ARHGAP22: variants seen among roughly 807,000 people sequenced by gnomAD.
ARHGAP22 encodes Rho GTPase activating protein 22.
In ARHGAP22, 48 loss-of-function variants were observed where a neutral mutation model predicts 59.1. That is an observed-to-expected ratio of 0.81 (90% CI 0.64 to 1.03). ARHGAP22 has a LOEUF of 1.03. Ranked by LOEUF, ARHGAP22 falls within the 50% of genes least tolerant of loss-of-function variation. ARHGAP22 has a pLI of 0.00. For synonymous variants in ARHGAP22, 445 were observed against 416.4 expected (o/e 1.07, Z -0.84); for missense variants, 1,015 against 958.7 (o/e 1.06, Z -0.78).
downstream of ARHGAP22, chr10:48,445,900 C>A (rs1321196741): frequency 6.2e-6 from 1 of 162,070 alleles, no homozygotes; most frequent in Non-Finnish European, 1.4e-5. Flanking sequence ...GGCTTCACGT[C>A]CCACTTCACA....
intron 1 of ARHGAP22, among the ~76,000 whole-genome samples, chr10:48,621,291 G>A (rs527749380): frequency 2.1e-4 from 32 of 152,118 alleles, no homozygotes; most frequent in African/African-American, 7.5e-4. Flanking sequence ...ATTTTGGTTG[G>A]TTTAAACTTG....
chr10:48,443,140 G>A (rs925701977), downstream of ARHGAP22, among the ~76,000 whole-genome samples: 7 of 152,084 alleles, frequency 4.6e-5, no homozygotes, highest in Admixed American at 1.3e-4. Flanking sequence ...CTCAAAGACC[G>A]CTGTGCATTC....
intron 2 of ARHGAP22, among the ~76,000 whole-genome samples, chr10:48,581,336 A>G (rs555487046): frequency 6.6e-6 from 1 of 152,316 alleles, no homozygotes; most frequent in South Asian, 2.1e-4. Flanking sequence ...TTTGCATGGA[A>G]GCTGTGTCTC....
chr10:48,471,606 T>C (rs2048232056), intron 4 of ARHGAP22, among the ~76,000 whole-genome samples: 1 of 152,184 alleles, frequency 6.6e-6, no homozygotes, highest in African/African-American at 2.4e-5. Flanking sequence ...CCCTTCTTAC[T>C]TCATAACAAC....
chr10:48,620,470 T>C (rs1041820896), intron 1 of ARHGAP22, among the ~76,000 whole-genome samples: 1 of 152,222 alleles, frequency 6.6e-6, no homozygotes. Context: ...TTTATCTTCA[T>C]GGATTCCCAC....
At chr10:48,650,332 A>C (rs141698194) in intron 1 of ARHGAP22, among the ~76,000 whole-genome samples, 1 of 152,290 alleles carries the variant, frequency 6.6e-6, no homozygotes, top group Non-Finnish European at 1.5e-5. Context: ...GAGGCTTCAT[A>C]AAAGGATACA....
chr10:48,616,207 T>C (rs147839079), intron 1 of ARHGAP22, among the ~76,000 whole-genome samples: 1,890 of 152,282 alleles, frequency 0.012, 38 homozygotes, highest in African/African-American at 0.043. Flanking sequence ...CAATAAAGTC[T>C]TTTTAAATTA....
chr10:48,532,276 C>T (rs887790925), intron 3 of ARHGAP22, among the ~76,000 whole-genome samples: 2 of 152,060 alleles, frequency 1.3e-5, no homozygotes, highest in African/African-American at 4.8e-5. Context: ...AACAACCACT[C>T]ACTGACTTCT....
At chr10:48,549,420 G>A (rs952905774) in intron 3 of ARHGAP22, among the ~76,000 whole-genome samples, 6 of 152,118 alleles carry the variant, frequency 3.9e-5, no homozygotes, top group African/African-American at 7.2e-5. Context: ...TGTCTGAGGC[G>A]GGACCCTGGT....
intron 2 of ARHGAP22, among the ~76,000 whole-genome samples, chr10:48,572,000 C>A (rs1207510008): frequency 6.6e-6 from 1 of 152,140 alleles, no homozygotes; most frequent in African/African-American, 2.4e-5. Flanking sequence ...CACTCTTGGC[C>A]AAGGGGAACC....
rs796074382 is a variant in ARHGAP22, at chr10:48,639,846, TA to T, written c.52+12387del. Among the ~76,000 whole-genome samples the T allele has an allele frequency of 5.3e-4, 78 of 148,414 alleles. 1 individual carries two copies. Among genetic ancestry groups the T allele is most frequent in the African/African-American group, 1.7e-3 (70 of 40,626 alleles). On this transcript the variant is annotated intron_variant, in intron 1 of 9. Coordinates refer to the ARHGAP22 transcript ENST00000435790. ...ACAAAGGAAAAGTGTGACTCATATG[TA>T]AAAAAAAAAGTCAATTGAAACTGTC...
intron 3 of ARHGAP22, among the ~76,000 whole-genome samples, chr10:48,522,164 C>T (rs2053863654): frequency 6.6e-6 from 1 of 152,240 alleles, no homozygotes; most frequent in African/African-American, 2.4e-5. Context: ...TTCTCTCCTC[C>T]CTGCCAGACA....
chr10:48,614,829 G>A (rs116075314), intron 1 of ARHGAP22, among the ~76,000 whole-genome samples: 254 of 152,312 alleles, frequency 1.7e-3, no homozygotes, highest in African/African-American at 5.9e-3. Context: ...GACTTCATCT[G>A]CAAATAGCTA....
At chr10:48,603,023 C>A (rs929773179) in intron 1 of ARHGAP22, among the ~76,000 whole-genome samples, 1 of 152,146 alleles carries the variant, frequency 6.6e-6, no homozygotes, top group African/African-American at 2.4e-5. Context: ...GGGGAAAGAA[C>A]GATGTGCAAA....
At chr10:48,519,670 C>T (rs1323854935) in intron 3 of ARHGAP22, among the ~76,000 whole-genome samples, 1 of 152,246 alleles carries the variant, frequency 6.6e-6, no homozygotes. Flanking sequence ...ATGAACTGGG[C>T]CCGAGGGCTG....
At chr10:48,459,950 A>G in intron 4 of ARHGAP22, 59 bp from the exon 5 acceptor site, 1 of 1,513,634 alleles carries the variant, frequency 6.6e-7, no homozygotes. Context: ...TTGGGTGCTC[A>G]GGACAATGGA....
At chr10:48,604,296 G>T (rs534638615) in intron 1 of ARHGAP22, among the ~76,000 whole-genome samples, 162 of 152,326 alleles carry the variant, frequency 1.1e-3, no homozygotes, top group African/African-American at 3.9e-3. Flanking sequence ...CCTGCTTGAG[G>T]AAATACTGTC....
intron 1 of ARHGAP22, among the ~76,000 whole-genome samples, chr10:48,636,962 G>T (rs1279136106): frequency 6.6e-5 from 10 of 152,232 alleles, no homozygotes; most frequent in African/African-American, 2.4e-4. Flanking sequence ...GCCGGAGTCT[G>T]AGAGGCTTTC....
At chr10:48,640,942 A>G (rs1383894098) in intron 1 of ARHGAP22, among the ~76,000 whole-genome samples, 3 of 152,196 alleles carry the variant, frequency 2.0e-5, no homozygotes, top group Admixed American at 6.5e-5. Context: ...TAAATGTTAT[A>G]TATGATAAGC....
Sources: allele counts gnomAD v4.1 joint callset (sites outside exome capture counted in the v4.1 genomes callset), GRCh38; gene constraint gnomAD v4.1.1; transcripts MANE v1.5; gene names NCBI Gene and HGNC (gene_info 2026-07-23, HGNC 2026-07-21).